Variants in MYRF observed in about 807,000 individuals in gnomAD.
MYRF encodes myelin gene regulatory factor.
MYRF carries 16 observed loss-of-function variants against 126.3 expected under a neutral mutation model. That is an observed-to-expected ratio of 0.13 (90% CI 0.09 to 0.19). The LOEUF (loss-of-function observed/expected upper bound fraction) is 0.19, where lower values mean the gene tolerates loss of function less well. Ranked by LOEUF, MYRF falls within the 10% of genes least tolerant of loss-of-function variation. MYRF has a pLI of 1.00. For synonymous variants in MYRF, 608 were observed against 635.3 expected (o/e 0.96, Z 0.65); for missense variants, 1,104 against 1,547.0 (o/e 0.71, Z 4.80).
At chr11:61,754,950 GA>G (rs1231357104) in intron 1 of MYRF, among the ~76,000 whole-genome samples, 3 of 152,222 alleles carry the variant, frequency 2.0e-5, no homozygotes, top group African/African-American at 7.2e-5. Context: ...GTGTGCTTGT[GA>G]GTGTGTGAAG....
rs2066511096 is a variant in MYRF, at chr11:61,780,395, T to G, written c.2405+105T>G. The G allele has an allele frequency of 4.1e-6, 4 of 982,598 alleles. No individual in the cohort carries two copies. In the Admixed American group the frequency reaches 1.0e-4, roughly 25 times the overall value. The allele number at this position is 982,598 out of a possible 1,614,324, so 60.9% of individuals were successfully genotyped here. On this transcript the variant is annotated intron_variant, in intron 18 of 26. Transcript: ENST00000278836. ...CTGTCTTCTCTAAAGGAGTTCATCC[T>G]TAGCCTCTTAGCCTGCTGGGGTGCT...
rs2066441323 is a variant in MYRF, at chr11:61,778,301, G to A, written c.1904-79G>A. ...CCAGAACTTCACCCTCTCCAGTCTT[G>A]CTCCCACTGTACATTACAAAGCTGT... On this transcript the variant is annotated intron_variant, in intron 13 of 26. Transcript: ENST00000278836. This position sits in a 1 kb window ranked among gnomAD's most constrained non-coding sequence, Gnocchi z 4.6. The A allele has an allele frequency of 2.1e-6, 2 of 956,964 alleles. No individual in the cohort carries two copies. Among genetic ancestry groups the A allele is most frequent in the Admixed American group, 3.4e-5 (2 of 58,694 alleles). 59.3% of individuals were successfully genotyped at this position (956,964 alleles called of 1,614,324 possible).
Position 61,765,996 on chromosome 11 carries a change from C to T in MYRF, c.173C>T (p.Ser58Phe), listed in dbSNP as rs2066047660. ...ATCTCTGCTCCAGCCAGCTCGGCCT[C>T]CTACTCCCACGGGCAGCCTGCGATG... ...PDISAPASSA[S>F]YSHGQPAMPG... The change falls in exon 3 of 27, where the codon TCC becomes TTC. Residue 58 changes from serine to phenylalanine, a missense_variant. Transcript: ENST00000278836. The T allele has an allele frequency of 1.3e-6, 2 of 1,571,624 alleles. No individual in the cohort carries two copies. The highest frequency in any genetic ancestry group is 1.3e-5 in the African/African-American group (1 of 74,142).
At chr11:61,784,737 G>A in intron 25 of MYRF, 1 of 219,814 alleles carries the variant, frequency 4.5e-6, no homozygotes, top group Admixed American at 5.3e-5. Context: ...GAAGCAGGAA[G>A]GAGCCGACCT....
intron 1 of MYRF, among the ~76,000 whole-genome samples, chr11:61,754,819 G>C (rs541449526): frequency 6.6e-6 from 1 of 152,330 alleles, no homozygotes; most frequent in Admixed American, 6.5e-5. Context: ...CCCAGCCCCT[G>C]CGATGGGGGA....
chr11:61,753,540 C>T (rs922044989), intron 1 of MYRF, among the ~76,000 whole-genome samples: 2 of 152,088 alleles, frequency 1.3e-5, no homozygotes, highest in Non-Finnish European at 2.9e-5. Context: ...TGAGACCCTT[C>T]TAGTGCTGTG....
chr11:61,769,529 G>A (rs2066150864), intron 4 of MYRF, among the ~76,000 whole-genome samples: 2 of 152,174 alleles, frequency 1.3e-5, no homozygotes, highest in South Asian at 2.1e-4. Flanking sequence ...GTATCCCCGC[G>A]GTGATGCCAC....
Position 61,775,426 on chromosome 11 carries a change from GC to G in MYRF, c.1312-626del, listed in dbSNP as rs758210355. Among the ~76,000 whole-genome samples the G allele has an allele frequency of 8.0e-4, 121 of 152,156 alleles. 1 individual carries two copies. The highest frequency in any genetic ancestry group is 1.6e-3 in the Non-Finnish European group (107 of 68,022). On this transcript the variant is annotated intron_variant, in intron 8 of 26. Coordinates refer to ENST00000278836, the MANE Select transcript of MYRF (RefSeq NM_001127392.3). Reference sequence around the variant, plus strand: ...CTCCATGCTGGTCCCCTCCCCAGGGGCCCCTCCCCTAAGACCCATTGGGAGG... The same window carrying G: ...CTCCATGCTGGTCCCCTCCCCAGGGGCCCTCCCCTAAGACCCATTGGGAGG...
intron 1 of MYRF, among the ~76,000 whole-genome samples, chr11:61,761,461 C>G (rs910095335): frequency 1.3e-5 from 2 of 152,142 alleles, no homozygotes; most frequent in African/African-American, 4.8e-5. Context: ...TAGTCTGGAT[C>G]GCAGCCTGCC....
intron 1 of MYRF, among the ~76,000 whole-genome samples, chr11:61,762,898 C>T (rs1222136653): frequency 1.3e-5 from 2 of 152,166 alleles, no homozygotes; most frequent in African/African-American, 2.4e-5. Context: ...GACCCTGGCA[C>T]GGGAGGGTCC....
At chr11:61,762,421 C>T (rs1021959847) in intron 1 of MYRF, among the ~76,000 whole-genome samples, 4 of 152,220 alleles carry the variant, frequency 2.6e-5, no homozygotes, top group African/African-American at 7.2e-5. Flanking sequence ...CTGGCGGGCC[C>T]GGCTTCCCTT....
chr11:61,785,416 A>AAGTGGCTC (rs540409597), intron 25 of MYRF: 167 of 187,892 alleles, frequency 8.9e-4, no homozygotes, highest in African/African-American at 3.8e-3. Flanking sequence ...GATTTTTAGG[A>AAGTGGCTC]AGTGGCTCAG....
At chr11:61,785,607 C>T (rs928532729) in intron 25 of MYRF, 193 bp from the exon 26 acceptor site, 4 of 597,932 alleles carry the variant, frequency 6.7e-6, no homozygotes, top group African/African-American at 1.9e-5. Flanking sequence ...GTCCCGGGCA[C>T]GGTCTGCATG....
intron 1 of MYRF, among the ~76,000 whole-genome samples, chr11:61,760,258 C>T (rs1274294531): frequency 1.3e-5 from 2 of 152,212 alleles, no homozygotes; most frequent in East Asian, 1.9e-4. Flanking sequence ...TGAGCCACCG[C>T]GCCTGGCCAT....
chr11:61,781,589 C>A lies in MYRF; in HGVS notation c.2781C>A (p.Ala927=), dbSNP rs776353494. Residue 927 remains alanine (A), a synonymous_variant, in exon 22 of 27, where the codon GCC becomes GCA. Transcript: ENST00000278836. ...TATCCACAGGCCCCAGCCAGATGGC[C>A]CTTCTGCCAGTCACCAACATCAGAG... ...STNRSGPSQM[A]LLPVTNIRAK... is the part of the protein sequence containing the mutation. The A allele has an allele frequency of 5.6e-6, 9 of 1,613,728 alleles. No homozygotes were observed. Among genetic ancestry groups the A allele is most frequent in the Non-Finnish European group, 7.6e-6 (9 of 1,179,952 alleles).
intron 22 of MYRF, 156 bp downstream of exon 22, chr11:61,781,980 C>T (rs374338373): frequency 1.1e-6 from 1 of 881,886 alleles, no homozygotes; most frequent in East Asian, 2.8e-5. Flanking sequence ...AGGCCTGCAG[C>T]CTTACATAGA....
rs528920735 is a variant in MYRF at position 61,776,685 on chromosome 11, T to C, written c.1500-102T>C. The C allele has an allele frequency of 2.0e-6, 2 of 989,692 alleles. No individual in the cohort carries two copies. The highest frequency in any genetic ancestry group is 5.4e-5 in the Admixed American group (2 of 36,712). 61.3% of individuals were successfully genotyped at this position (989,692 alleles called of 1,614,324 possible). A position where few individuals can be genotyped will look rare whatever the true frequency, so the allele number is the denominator to read the frequency against. Reference sequence around the variant, plus strand: ...CCCTGGTGGAGGCTCGGGTTCCTCCTCTGTAGGAGGGGGTGAGATGAACAT... The same window carrying C: ...CCCTGGTGGAGGCTCGGGTTCCTCCCCTGTAGGAGGGGGTGAGATGAACAT... On this transcript the variant is annotated intron_variant, in intron 10 of 26. Coordinates refer to ENST00000278836, the MANE Select transcript of MYRF (RefSeq NM_001127392.3). This position sits in a 1 kb window ranked among gnomAD's most constrained non-coding sequence, Gnocchi z 4.3.
Position 61,783,437 on chromosome 11 carries a change from G to A in MYRF, c.3017-61G>A. 7.3e-7 allele frequency: 1 copy of A among 1,375,676 alleles called. No homozygotes were observed. The highest frequency in any genetic ancestry group is 1.0e-6 in the Non-Finnish European group (1 of 971,982). 85.2% of individuals were successfully genotyped at this position (1,375,676 alleles called of 1,614,324 possible). ...TGAGTGACTGCTTCAAGTCTGGCAA[G>A]GAAAGACTTGCCAGCTTCTCATTTG... is the stretch of plus-strand genomic sequence containing the variant. On this transcript the variant is annotated intron_variant, in intron 22 of 26. Transcript: ENST00000278836. This position sits in a 1 kb window ranked among gnomAD's most constrained non-coding sequence, Gnocchi z 4.6.
At chr11:61,784,485 A>C (rs2066641058) in intron 25 of MYRF, 100 bp downstream of exon 25, 1 of 968,910 alleles carries the variant, frequency 1.0e-6, no homozygotes, top group East Asian at 2.6e-5. Context: ...GCTGGGAGTT[A>C]TAGAGTAAAG....
Sources: allele counts gnomAD v4.1 joint callset (sites outside exome capture counted in the v4.1 genomes callset), GRCh38; gene constraint gnomAD v4.1.1; non-coding constraint Gnocchi (gnomAD v3.1); transcripts MANE v1.5; gene names NCBI Gene and HGNC (gene_info 2026-07-23, HGNC 2026-07-21).